The following ADGRG6 variants were observed in gnomAD, a reference collection of about 807,000 sequenced individuals.
ADGRG6 encodes G-protein coupled receptor 126.
Under a neutral mutation model 142.4 loss-of-function variants are expected in ADGRG6, and 84 were observed. That is an observed-to-expected ratio of 0.59 (90% CI 0.49 to 0.71). The LOEUF is 0.71. ADGRG6 is among the 30% of genes least tolerant of loss of function. The pLI is 0.00. For synonymous variants in ADGRG6, 521 were observed against 520.5 expected (o/e 1.00, Z -0.01); for missense variants, 1,367 against 1,466.6 (o/e 0.93, Z 1.11).
intron 2 of ADGRG6, among the ~76,000 whole-genome samples, chr6:142,332,639 G>A (rs1181468565): frequency 1.3e-5 from 2 of 151,956 alleles, no homozygotes; most frequent in African/African-American, 4.8e-5. Flanking sequence ...GATGTCATGT[G>A]GACATAAAAC....
intron 2 of ADGRG6, among the ~76,000 whole-genome samples, chr6:142,351,061 C>T (rs1179147829): frequency 1.3e-5 from 2 of 151,960 alleles, no homozygotes; most frequent in Non-Finnish European, 2.9e-5. Context: ...CGGTGAAACC[C>T]CGTCTCTACT....
intron 2 of ADGRG6, among the ~76,000 whole-genome samples, chr6:142,343,725 C>G (rs1021286267): frequency 5.3e-5 from 8 of 151,776 alleles, no homozygotes; most frequent in African/African-American, 1.9e-4. Context: ...ATTAAATCAT[C>G]CATAATTTTA....
intron 1 of ADGRG6, among the ~76,000 whole-genome samples, chr6:142,304,410 C>T (rs1777382220): frequency 6.6e-6 from 1 of 152,134 alleles, no homozygotes; most frequent in African/African-American, 2.4e-5. Flanking sequence ...TAATTCGTCT[C>T]AAGCTGCATG....
intron 9 of ADGRG6, among the ~76,000 whole-genome samples, chr6:142,395,472 C>T (rs1775134943): frequency 6.6e-6 from 1 of 152,172 alleles, no homozygotes; most frequent in African/African-American, 2.4e-5. Context: ...TTTTAGTGTA[C>T]TTACTGTGGT....
intron 4 of ADGRG6, among the ~76,000 whole-genome samples, chr6:142,380,200 T>C (rs1206469639): frequency 2.0e-5 from 3 of 152,120 alleles, no homozygotes; most frequent in Non-Finnish European, 4.4e-5. Flanking sequence ...GAGGATAGAT[T>C]GTAAATGTTT....
chr6:142,347,336 A>G lies in ADGRG6; in HGVS notation c.104-20233A>G, dbSNP rs9496344. Among the ~76,000 whole-genome samples, 733 of 152,268 alleles carry G rather than the reference A, an allele frequency of 4.8e-3. 9 individuals are homozygous for G. Among genetic ancestry groups the G allele is most frequent in the African/African-American group, 0.017 (695 of 41,554 alleles). ...TAAATATTACCATAGTTTTTATATC[A>G]CTGTATTGGGACTATCTCTCTACTT... On this transcript the variant is annotated intron_variant, in intron 2 of 24. Transcript: ENST00000367609.
chr6:142,379,145 G>C (rs1463746797), intron 4 of ADGRG6, among the ~76,000 whole-genome samples: 1 of 152,132 alleles, frequency 6.6e-6, no homozygotes, highest in Non-Finnish European at 1.5e-5. Flanking sequence ...CCCCACCTAA[G>C]TCTGCTCTTC....
chr6:142,400,488 A>G lies in ADGRG6; in HGVS notation c.1571A>G (p.His524Arg), dbSNP rs766781770. 1 of 1,456,846 alleles carries G rather than the reference A, an allele frequency of 6.9e-7. No individual in the cohort carries two copies. Among genetic ancestry groups the G allele is most frequent in the Non-Finnish European group, 9.6e-7 (1 of 1,037,408 alleles). 90.2% of individuals were successfully genotyped at this position (1,456,846 alleles called of 1,614,324 possible). ...GCTGGTTCTTATGTTCATATAGGTC[A>G]TTGTCTTGCCATGGAGGAACCCAAA... ...LHTVNVRQLG[H>R]CLAMEEPKGY... The change falls in exon 11 of 25, where the codon CAT (histidine) becomes CGT (arginine). Residue 524 changes from histidine to arginine, a missense_variant. This residue lies in a region of ADGRG6 where 737 missense variants were observed against 746.5 expected (regional missense o/e 0.99). Transcript: ENST00000367609.
intron 17 of ADGRG6, 114 bp from the exon 18 acceptor site, chr6:142,411,191 A>G: frequency 1.5e-6 from 1 of 655,326 alleles, no homozygotes; most frequent in Admixed American, 2.2e-5. Flanking sequence ...CATTTTACAG[A>G]TAAACTCTGT....
chr6:142,303,678 T>TCG (rs1777340262), intron 1 of ADGRG6, among the ~76,000 whole-genome samples: 1 of 152,246 alleles, frequency 6.6e-6, no homozygotes, highest in Admixed American at 6.5e-5. Flanking sequence ...GTTTTCAACT[T>TCG]CAGTTTTTCT....
chr6:142,351,051 C>T (rs367687073), intron 2 of ADGRG6, among the ~76,000 whole-genome samples: 30 of 151,842 alleles, frequency 2.0e-4, no homozygotes, highest in East Asian at 3.9e-4. Context: ...CTGGCTAACA[C>T]GGTGAAACCC....
chr6:142,436,420 T>C (rs764587023), intron 22 of ADGRG6, among the ~76,000 whole-genome samples: 1 of 152,084 alleles, frequency 6.6e-6, no homozygotes, highest in Admixed American at 6.5e-5. Context: ...CTTAGCAATA[T>C]TGGAGTTGCC....
chr6:142,364,445 C>CT (rs1583039945), intron 2 of ADGRG6, among the ~76,000 whole-genome samples: 2 of 152,208 alleles, frequency 1.3e-5, no homozygotes, highest in East Asian at 3.9e-4. Context: ...AGAAATTCTA[C>CT]TAAAGTGGTG....
intron 2 of ADGRG6, among the ~76,000 whole-genome samples, chr6:142,357,059 C>T (rs1266111917): frequency 1.3e-5 from 2 of 152,088 alleles, no homozygotes; most frequent in African/African-American, 4.8e-5. Flanking sequence ...CTCGAGAGAG[C>T]TTCTAGTTTA....
At chr6:142,392,919 A>G in intron 7 of ADGRG6, 29 bp from the exon 8 acceptor site, 1 of 1,536,550 alleles carries the variant, frequency 6.5e-7, no homozygotes, top group East Asian at 2.3e-5. Flanking sequence ...GTATTAGCAA[A>G]ACTCAGCCTT....
intron 4 of ADGRG6, among the ~76,000 whole-genome samples, chr6:142,375,898 A>T (rs888670147): frequency 2.6e-5 from 4 of 152,098 alleles, no homozygotes; most frequent in Admixed American, 6.6e-5. Context: ...AATAAAATTG[A>T]TATATTATTA....
chr6:142,388,908 G>A, intron 6 of ADGRG6, among the ~76,000 whole-genome samples: 1 of 151,918 alleles, frequency 6.6e-6, no homozygotes, highest in Non-Finnish European at 1.5e-5. Flanking sequence ...GAACATCTGT[G>A]ATTTTATTTG....
chr6:142,327,060 G>T (rs1396030754), intron 2 of ADGRG6, among the ~76,000 whole-genome samples: 2 of 152,032 alleles, frequency 1.3e-5, no homozygotes, highest in African/African-American at 4.8e-5. Context: ...GATTATGAAA[G>T]ACTAGTATTC....
intron 7 of ADGRG6, among the ~76,000 whole-genome samples, chr6:142,392,277 T>C (rs142595499): frequency 6.6e-6 from 1 of 152,040 alleles, no homozygotes; most frequent in East Asian, 1.9e-4. Flanking sequence ...CGTTTTGCAG[T>C]TGTATGGGAA....
Sources: gnomAD v4.1 joint callset for allele counts (sites outside exome capture counted in the v4.1 genomes callset) on GRCh38, gnomAD v4.1.1 for gene constraint, gnomAD v4.1.1 regional missense constraint, MANE v1.5 for transcripts, NCBI Gene and HGNC (gene_info 2026-07-23, HGNC 2026-07-21) for gene names.